The following KCNIP4 variants were observed in gnomAD, a reference collection of about 807,000 sequenced individuals.
The protein encoded by KCNIP4 is Kv channel-interacting protein 4.
KCNIP4 carries 12 observed loss-of-function variants against 34.0 expected under a neutral mutation model. The observed-to-expected ratio is 0.35, with a 90% CI of 0.23 to 0.57. KCNIP4 has a LOEUF of 0.57. KCNIP4 is among the 20% of genes least tolerant of loss of function. KCNIP4 has a pLI of 0.83. For synonymous variants in KCNIP4, 124 were observed against 102.2 expected (o/e 1.21, Z -1.29); for missense variants, 238 against 311.7 (o/e 0.76, Z 1.78).
At chr4:21,724,041 T>C (rs915995280) in intron 1 of KCNIP4, among the ~76,000 whole-genome samples, 1 of 152,084 alleles carries the variant, frequency 6.6e-6, no homozygotes, top group Non-Finnish European at 1.5e-5. Flanking sequence ...GAATGCCATA[T>C]GAGTTGGAGA....
At chr4:20,987,776 G>T (rs1321209664) in intron 1 of KCNIP4, among the ~76,000 whole-genome samples, 1 of 151,608 alleles carries the variant, frequency 6.6e-6, no homozygotes, top group African/African-American at 2.4e-5. Flanking sequence ...GAGGCAGGCG[G>T]ATCACGAGGT....
At chr4:20,867,545 A>G (rs1298611067) in intron 2 of KCNIP4, among the ~76,000 whole-genome samples, 1 of 152,134 alleles carries the variant, frequency 6.6e-6, no homozygotes, top group African/African-American at 2.4e-5. Flanking sequence ...TAAAGATTTC[A>G]ATGTAAATCT....
At chr4:21,494,684 A>G (rs1732703356) in intron 1 of KCNIP4, among the ~76,000 whole-genome samples, 1 of 151,766 alleles carries the variant, frequency 6.6e-6, no homozygotes, top group Admixed American at 6.6e-5. Flanking sequence ...GAGGCAAGAG[A>G]ATCGCTTGAA....
intron 1 of KCNIP4, among the ~76,000 whole-genome samples, chr4:21,333,593 T>A (rs1715866506): frequency 6.6e-6 from 1 of 152,030 alleles, no homozygotes; most frequent in African/African-American, 2.4e-5. Context: ...TCTTTTGTAT[T>A]TTTTCGTTCT....
chr4:21,468,824 T>G (rs540965932), intron 1 of KCNIP4, among the ~76,000 whole-genome samples: 1 of 152,308 alleles, frequency 6.6e-6, no homozygotes, highest in Non-Finnish European at 1.5e-5. Context: ...GCTAGCGCAC[T>G]TTTTTAATTA....
chr4:21,154,162 C>T (rs971957963), intron 1 of KCNIP4, among the ~76,000 whole-genome samples: 6 of 152,082 alleles, frequency 3.9e-5, no homozygotes, highest in African/African-American at 1.2e-4. Context: ...TCAAACATGA[C>T]TTCTATGTAG....
intron 1 of KCNIP4, among the ~76,000 whole-genome samples, chr4:21,864,091 A>G (rs768022301): frequency 6.6e-6 from 1 of 152,222 alleles, no homozygotes; most frequent in African/African-American, 2.4e-5. Context: ...CATCAGATTA[A>G]TATTTCCACA....
At chr4:21,517,953 AC>A (rs1177621600) in intron 1 of KCNIP4, among the ~76,000 whole-genome samples, 1 of 152,006 alleles carries the variant, frequency 6.6e-6, no homozygotes, top group Admixed American at 6.5e-5. Context: ...TTTATTCCAC[AC>A]AAAAGCCTAC....
In KCNIP4 at chr4:21,641,521, G is replaced by A. The variant is rs61339666; in HGVS notation, c.61+307050C>T. On this transcript the variant is annotated intron_variant, in intron 1 of 8. Transcript: ENST00000382152. Reference sequence around the variant, plus strand: ...GTGGCCAATGATGGTTTCTCTGGATGGTCAAGGACTTGGAAGAAATCTGAT... The same window carrying A: ...GTGGCCAATGATGGTTTCTCTGGATAGTCAAGGACTTGGAAGAAATCTGAT... Among the ~76,000 whole-genome samples the A allele has an allele frequency of 2.8e-3, 433 of 152,300 alleles. 3 individuals carry two copies. Among genetic ancestry groups the A allele is most frequent in the African/African-American group, 1.0e-2 (415 of 41,552 alleles).
rs902660572 is a variant in KCNIP4 at position 21,290,428 on chromosome 4, C to T, written c.62-407719G>A. Among the ~76,000 whole-genome samples, 3 of 152,136 alleles carry T rather than the reference C, an allele frequency of 2.0e-5. No individual in the cohort carries two copies. The South Asian group carries it at 6.2e-4, about 32-fold the overall frequency. On this transcript the variant is annotated intron_variant, in intron 1 of 8. Transcript: ENST00000382152. ...CCAAAAAAAGCTACATAAACACATG[C>T]CAAAAAGTGACATGTTCAAAGAAGA...
Position 21,294,695 on chromosome 4 carries a change from T to C in KCNIP4, c.62-411986A>G, listed in dbSNP as rs76376808. Reference sequence around the variant, plus strand: ...ACAATATGTATGCTACCAAATAGCATTGTGATTTCTAACAAGTCAATTAAC... The same window carrying C: ...ACAATATGTATGCTACCAAATAGCACTGTGATTTCTAACAAGTCAATTAAC... On this transcript the variant is annotated intron_variant, in intron 1 of 8. Coordinates refer to ENST00000382152, the MANE Select transcript of KCNIP4 (RefSeq NM_025221.6). Among the ~76,000 whole-genome samples, 703 of 152,310 alleles carry C rather than the reference T, an allele frequency of 4.6e-3. 9 individuals carry two copies. The highest frequency in any genetic ancestry group is 0.016 in the African/African-American group (684 of 41,568).
rs112606004 is a variant in KCNIP4 at position 21,927,982 on chromosome 4, C to T, written c.61+20589G>A. On this transcript the variant is annotated intron_variant, in intron 1 of 8. Transcript: ENST00000382152. ...ACAAGAGCAAAATAAATGTTAAGCC[C>T]TCTCCAAGCAGTCTGTCTACATAGG... Among the ~76,000 whole-genome samples, 1,180 of 152,128 alleles carry T rather than the reference C, an allele frequency of 7.8e-3. 16 individuals are homozygous for T. Among genetic ancestry groups the T allele is most frequent in the African/African-American group, 0.027 (1,111 of 41,496 alleles).
At chr4:20,984,169 G>T in intron 1 of KCNIP4, 1 of 531,544 alleles carries the variant, frequency 1.9e-6, no homozygotes, top group Non-Finnish European at 3.3e-6. Flanking sequence ...CTACCACAGC[G>T]CACGGACCTC....
At chr4:21,390,328 T>C (rs1394156996) in intron 1 of KCNIP4, among the ~76,000 whole-genome samples, 2 of 152,226 alleles carry the variant, frequency 1.3e-5, no homozygotes, top group Non-Finnish European at 2.9e-5. Context: ...TTGTCAATTT[T>C]GGCTTTTGTT....
chr4:21,911,595 A>T (rs1031928611), intron 1 of KCNIP4, among the ~76,000 whole-genome samples: 1 of 116,656 alleles, frequency 8.6e-6, no homozygotes. Context: ...AGGCAGAAAG[A>T]ATTGATATTC....
At chr4:21,493,681 A>G (rs983791112) in intron 1 of KCNIP4, among the ~76,000 whole-genome samples, 1 of 152,160 alleles carries the variant, frequency 6.6e-6, no homozygotes, top group African/African-American at 2.4e-5. Context: ...AGACCTCTTG[A>G]AAAGCACTTC....
intron 1 of KCNIP4, among the ~76,000 whole-genome samples, chr4:21,729,407 T>C (rs1197704849): frequency 6.6e-6 from 1 of 152,166 alleles, no homozygotes; most frequent in Non-Finnish European, 1.5e-5. Flanking sequence ...CTAGTACTAA[T>C]CTAGGTAATA....
At chr4:21,298,551 TATTTCCAGCCATCCC>T (rs1280488972) in intron 1 of KCNIP4, among the ~76,000 whole-genome samples, 2 of 152,096 alleles carry the variant, frequency 1.3e-5, no homozygotes. Context: ...CTGCCCCATC[TATTTCCAGCCATCCC>T]ATTTGTCTCC....
Position 21,400,740 on chromosome 4 carries a change from G to A in KCNIP4, c.62-518031C>T, listed in dbSNP as rs140595230. ...AATATATAATTAAAATTCTATAAGG[G>A]TTGCATTCAGCAAATATGTAGAATT... On this transcript the variant is annotated intron_variant, in intron 1 of 8. Transcript: ENST00000382152. Among the ~76,000 whole-genome samples the A allele has an allele frequency of 3.7e-3, 566 of 152,212 alleles. 2 individuals carry two copies. Among genetic ancestry groups the A allele is most frequent in the African/African-American group, 0.013 (534 of 41,492 alleles).
Sources: allele counts gnomAD v4.1 joint callset (sites outside exome capture counted in the v4.1 genomes callset), GRCh38; gene constraint gnomAD v4.1.1; transcripts MANE v1.5; gene names NCBI Gene and HGNC (gene_info 2026-07-23, HGNC 2026-07-21).